UCHL3: variants seen among roughly 807,000 people sequenced by gnomAD.
UCHL3 encodes ubiquitin carboxyl-terminal hydrolase isozyme L3.
UCHL3 carries 22 observed loss-of-function variants against 35.8 expected under a neutral mutation model. That is an observed-to-expected ratio of 0.61 (90% CI 0.44 to 0.88). The LOEUF (loss-of-function observed/expected upper bound fraction) is 0.88. UCHL3 is among the 40% of genes least tolerant of loss of function. The probability of loss-of-function intolerance (pLI) is 0.00; values close to 1 mark genes in which losing one functional copy is unlikely to be tolerated. For synonymous variants in UCHL3, 90 were observed against 92.8 expected (o/e 0.97, Z 0.17); for missense variants, 229 against 276.9 (o/e 0.83, Z 1.23).
chr13:75,550,834 C>T (rs1385951931), intron 2 of UCHL3, among the ~76,000 whole-genome samples: 1 of 151,736 alleles, frequency 6.6e-6, no homozygotes, highest in African/African-American at 2.4e-5. Flanking sequence ...AACAATTCAC[C>T]GTGTTCTTAA....
chr13:75,581,396 C>T (rs1006060590), intron 6 of UCHL3, among the ~76,000 whole-genome samples: 12 of 149,504 alleles, frequency 8.0e-5, no homozygotes, highest in Non-Finnish European at 1.5e-4. Context: ...GTTGCTCAGG[C>T]GGCAGTGCAG....
At chr13:75,588,593 T>C (rs1179429132) in intron 6 of UCHL3, among the ~76,000 whole-genome samples, 1 of 152,194 alleles carries the variant, frequency 6.6e-6, no homozygotes, top group Non-Finnish European at 1.5e-5. Flanking sequence ...ACATATTTTT[T>C]AACCCCGCAT....
chr13:75,552,456 C>T (rs1321915468), intron 2 of UCHL3, among the ~76,000 whole-genome samples: 2 of 152,168 alleles, frequency 1.3e-5, no homozygotes, highest in African/African-American at 4.8e-5. Context: ...CTGCTTTAGG[C>T]TCTGATGATG....
chr13:75,563,192 T>C (rs890925913), intron 3 of UCHL3, among the ~76,000 whole-genome samples: 6 of 152,198 alleles, frequency 3.9e-5, no homozygotes, highest in African/African-American at 7.2e-5. Flanking sequence ...TACTTATTTT[T>C]TGAGACAGCA....
chr13:75,590,205 T>C (rs2032445241), intron 6 of UCHL3: 1 of 1,207,718 alleles, frequency 8.3e-7, no homozygotes. Flanking sequence ...TTAACTTCGG[T>C]CTTCAGAGTG....
At chr13:75,564,263 A>G (rs867196085) in intron 3 of UCHL3, among the ~76,000 whole-genome samples, 3 of 150,378 alleles carry the variant, frequency 2.0e-5, no homozygotes, top group Middle Eastern at 3.4e-3. Context: ...CCATTCTCCC[A>G]CCTCAGCCTC....
At chr13:75,563,692 A>C (rs1476212668) in intron 3 of UCHL3, among the ~76,000 whole-genome samples, 5 of 152,130 alleles carry the variant, frequency 3.3e-5, no homozygotes, top group African/African-American at 1.2e-4. Flanking sequence ...TTAGTCTTCT[A>C]CTTGTTTTTC....
intron 2 of UCHL3, among the ~76,000 whole-genome samples, chr13:75,559,911 C>G (rs749893054): frequency 6.6e-6 from 1 of 152,122 alleles, no homozygotes; most frequent in African/African-American, 2.4e-5. Context: ...ATGACATTCT[C>G]ATTTTTTCTC....
intron 2 of UCHL3, among the ~76,000 whole-genome samples, chr13:75,558,455 G>T (rs1195106840): frequency 6.6e-6 from 1 of 152,164 alleles, no homozygotes; most frequent in Non-Finnish European, 1.5e-5. Context: ...ATGTAAAATT[G>T]CTCTGTTGTA....
chr13:75,595,060 G>A, intron 7 of UCHL3, 70 bp downstream of exon 7: 1 of 1,158,640 alleles, frequency 8.6e-7, no homozygotes, highest in Non-Finnish European at 1.2e-6. Context: ...ATGATAAACA[G>A]GACTATTGAT....
chr13:75,561,781 G>C (rs1285196030), intron 3 of UCHL3, among the ~76,000 whole-genome samples: 2 of 144,512 alleles, frequency 1.4e-5, no homozygotes, highest in African/African-American at 5.1e-5. Context: ...GTATGTTTCT[G>C]TGTGTGTGTA....
Position 75,586,427 on chromosome 13 carries a change from G to A in UCHL3, c.475-8488G>A, listed in dbSNP as rs1410066277. On this transcript the variant is annotated intron_variant, in intron 6 of 8. Coordinates refer to ENST00000377595, the MANE Select transcript of UCHL3 (RefSeq NM_006002.5). ...AGAAATAGACAAATTCACAATTATA[G>A]TTGGAGATGTCAACACTCAGAATCA... is the stretch of plus-strand genomic sequence containing the variant. Among the ~76,000 whole-genome samples the A allele has an allele frequency of 2.0e-5, 3 of 148,952 alleles. No homozygotes were observed. The East Asian group carries it at 5.9e-4, about 29-fold the overall frequency.
rs368942788 is a variant in UCHL3 at position 75,549,967 on chromosome 13, C to A, written c.43-9C>A. The A allele has an allele frequency of 3.7e-6, 6 of 1,614,122 alleles. No individual in the cohort carries two copies. The African/African-American group carries it at 8.0e-5, about 22-fold the overall frequency. ...TGTCTCTAAAGCGTGTTCTCTGTTT[C>A]GTTTTCAGGTCACCAACCAGGTGAG... On this transcript the variant is annotated splice_polypyrimidine_tract_variant and intron_variant, in intron 1 of 8. Coordinates refer to ENST00000377595, the MANE Select transcript of UCHL3 (RefSeq NM_006002.5).
intron 6 of UCHL3, among the ~76,000 whole-genome samples, chr13:75,574,848 T>G (rs887777584): frequency 2.6e-5 from 4 of 152,174 alleles, no homozygotes; most frequent in Non-Finnish European, 4.4e-5. Context: ...TGAGTTTTTT[T>G]GGGTCATATG....
At chr13:75,560,264 T>A (rs1450186300) in intron 2 of UCHL3, among the ~76,000 whole-genome samples, 1 of 152,188 alleles carries the variant, frequency 6.6e-6, no homozygotes, top group Non-Finnish European at 1.5e-5. Context: ...TTACTATAAC[T>A]TAAATGCCTC....
At chr13:75,573,039 C>T (rs1425783799) in intron 6 of UCHL3, among the ~76,000 whole-genome samples, 3 of 152,122 alleles carry the variant, frequency 2.0e-5, no homozygotes, top group Non-Finnish European at 4.4e-5. Context: ...CCAAGGCAGG[C>T]GGATCACCTG....
At chr13:75,562,543 A>T (rs1224371915) in intron 3 of UCHL3, among the ~76,000 whole-genome samples, 1 of 152,154 alleles carries the variant, frequency 6.6e-6, no homozygotes, top group African/African-American at 2.4e-5. Flanking sequence ...TTGAAAAAAA[A>T]ATCAGTTGCC....
chr13:75,601,905 C>T (rs1393340057), intron 7 of UCHL3, among the ~76,000 whole-genome samples: 1 of 151,946 alleles, frequency 6.6e-6, no homozygotes, highest in Non-Finnish European at 1.5e-5. Context: ...GTCAGGAGAT[C>T]GAGACCATCC....
At chr13:75,593,988 C>T (rs1370931088) in intron 6 of UCHL3, among the ~76,000 whole-genome samples, 2 of 152,076 alleles carry the variant, frequency 1.3e-5, no homozygotes, top group Non-Finnish European at 2.9e-5. Flanking sequence ...AAAACTTTTC[C>T]TTTAAAATTT....
Sources: allele counts gnomAD v4.1 joint callset (sites outside exome capture counted in the v4.1 genomes callset), GRCh38; gene constraint gnomAD v4.1.1; transcripts MANE v1.5; gene names NCBI Gene and HGNC (gene_info 2026-07-23, HGNC 2026-07-21).